Variants in GPC6 observed in about 807,000 individuals in gnomAD.
The protein encoded by GPC6 is glypican 6, also known as glypican-6.
Under a neutral mutation model 55.2 loss-of-function variants are expected in GPC6, and 14 were observed. The observed-to-expected ratio is 0.25, with a 90% CI of 0.17 to 0.40. The LOEUF is 0.40. Among genes scored for constraint, GPC6 ranks in the 10% least tolerant of loss-of-function variants. The pLI is 1.00. For synonymous variants in GPC6, 278 were observed against 259.6 expected, an observed-to-expected ratio of 1.07 and a Z score of -0.68; for missense variants, 641 against 708.5, an observed-to-expected ratio of 0.90 and a Z score of 1.08.
chr13:93,765,700 A>C (rs1885111555), intron 2 of GPC6, among the ~76,000 whole-genome samples: 2 of 152,308 alleles, frequency 1.3e-5, no homozygotes, highest in South Asian at 4.1e-4. Flanking sequence ...AAGCTACAGA[A>C]ATACAGGACA....
chr13:94,384,894 A>G (rs1421868646), intron 7 of GPC6, among the ~76,000 whole-genome samples: 2 of 152,180 alleles, frequency 1.3e-5, no homozygotes, highest in Admixed American at 1.3e-4. Context: ...GTTCTACAGC[A>G]TTCATTGAGT....
chr13:93,812,175 G>A (rs1886717046), intron 2 of GPC6, among the ~76,000 whole-genome samples: 1 of 150,990 alleles, frequency 6.6e-6, no homozygotes, highest in Admixed American at 6.6e-5. Flanking sequence ...TGGATCACGA[G>A]GTCGGGAGTT....
intron 1 of GPC6, among the ~76,000 whole-genome samples, chr13:93,485,821 T>C (rs1230904481): frequency 1.3e-5 from 2 of 152,174 alleles, no homozygotes; most frequent in African/African-American, 4.8e-5. Flanking sequence ...GTTCTTCATA[T>C]ATATTTGTCC....
chr13:94,172,899 G>A lies in GPC6; in HGVS notation c.878-113450G>A, dbSNP rs567853911. On this transcript the variant is annotated intron_variant, in intron 4 of 8. Coordinates refer to ENST00000377047, the MANE Select transcript of GPC6 (RefSeq NM_005708.5). ...TAGACACTGCCAATGACTGTTCCTG[G>A]GCAATGGTCTGATAGAGGCTGTCAA... 2.0e-5 allele frequency among the ~76,000 whole-genome samples: 3 copies of A among 152,282 alleles called. No homozygotes were observed. The South Asian group carries it at 6.2e-4, about 32-fold the overall frequency.
At chr13:94,082,002 A>C (rs1042684868) in intron 4 of GPC6, among the ~76,000 whole-genome samples, 7 of 151,788 alleles carry the variant, frequency 4.6e-5, no homozygotes, top group Admixed American at 2.6e-4. Flanking sequence ...CACCACGCCT[A>C]GCTAATTTTT....
chr13:93,880,566 G>T (rs1417714888), intron 3 of GPC6, among the ~76,000 whole-genome samples: 1 of 152,068 alleles, frequency 6.6e-6, no homozygotes, highest in Non-Finnish European at 1.5e-5. Flanking sequence ...GACTGTTGTG[G>T]GGTTGGGGGA....
intron 1 of GPC6, among the ~76,000 whole-genome samples, chr13:93,332,388 C>T (rs1879886052): frequency 6.7e-6 from 1 of 149,392 alleles, no homozygotes; most frequent in African/African-American, 2.5e-5. Context: ...TATCTTTTGT[C>T]TTTTTAATAA....
intron 3 of GPC6, among the ~76,000 whole-genome samples, chr13:93,839,497 G>A (rs780471597): frequency 5.3e-5 from 8 of 152,010 alleles, no homozygotes; most frequent in Non-Finnish European, 1.2e-4. Context: ...TTTATGTGGC[G>A]TATCACATTT....
At position 93,446,339 on chromosome 13, in the gene GPC6, T is replaced by A. The variant is rs566701248; in HGVS notation, c.161-98924T>A. Among the ~76,000 whole-genome samples the A allele has an allele frequency of 2.0e-5, 3 of 152,228 alleles. No individual in the cohort carries two copies. The South Asian group carries it at 6.2e-4, about 32-fold the overall frequency. On this transcript the variant is annotated intron_variant, in intron 1 of 8. Transcript: ENST00000377047. ...AGGTCTTTGGCCTGAAAATTCAGCATCCCACGTGTCTTGCTGCACCACTGA... is the reference window on the plus strand; with the variant it reads ...AGGTCTTTGGCCTGAAAATTCAGCAACCCACGTGTCTTGCTGCACCACTGA...
chr13:93,487,718 T>C (rs1168741924), intron 1 of GPC6, among the ~76,000 whole-genome samples: 2 of 152,184 alleles, frequency 1.3e-5, no homozygotes, highest in Non-Finnish European at 2.9e-5. Context: ...AAAAACATGA[T>C]ATTTTTCTTT....
intron 1 of GPC6, among the ~76,000 whole-genome samples, chr13:93,332,590 C>T (rs1220047118): frequency 2.6e-5 from 4 of 151,940 alleles, no homozygotes; most frequent in Non-Finnish European, 5.9e-5. Context: ...GGTTTGGATT[C>T]CATATATATT....
chr13:93,249,668 A>G (rs1876718381), intron 1 of GPC6, among the ~76,000 whole-genome samples: 1 of 152,236 alleles, frequency 6.6e-6, no homozygotes, highest in South Asian at 2.1e-4. Flanking sequence ...GCAGCGCCTC[A>G]TATTTCCACT....
chr13:93,857,158 T>C (rs1382286395), intron 3 of GPC6, among the ~76,000 whole-genome samples: 2 of 151,530 alleles, frequency 1.3e-5, no homozygotes, highest in Admixed American at 6.6e-5. Flanking sequence ...TTCATCCTTA[T>C]TGGAAAAAGG....
chr13:93,569,685 AT>A (rs1173743611), intron 2 of GPC6, among the ~76,000 whole-genome samples: 8 of 152,122 alleles, frequency 5.3e-5, no homozygotes, highest in Non-Finnish European at 1.0e-4. Flanking sequence ...TTAATAGCAT[AT>A]TAATAACTCA....
chr13:94,358,658 A>G (rs1369531629), intron 6 of GPC6, among the ~76,000 whole-genome samples: 1 of 152,182 alleles, frequency 6.6e-6, no homozygotes, highest in African/African-American at 2.4e-5. Context: ...GAATCTCCAG[A>G]CTGCAGGTCT....
At chr13:93,296,570 G>A (rs1219973627) in intron 1 of GPC6, among the ~76,000 whole-genome samples, 8 of 151,992 alleles carry the variant, frequency 5.3e-5, no homozygotes, top group African/African-American at 1.2e-4. Context: ...TTCCATATCC[G>A]TACCTCTCTC....
intron 2 of GPC6, among the ~76,000 whole-genome samples, chr13:93,827,893 A>T (rs201056612): frequency 5.6e-5 from 8 of 143,976 alleles, no homozygotes; most frequent in African/African-American, 1.9e-4. Flanking sequence ...AGAAGAAAAA[A>T]TAAAAAAAAA....
At chr13:93,352,520 T>C (rs1880667005) in intron 1 of GPC6, among the ~76,000 whole-genome samples, 2 of 152,136 alleles carry the variant, frequency 1.3e-5, no homozygotes, top group Non-Finnish European at 2.9e-5. Flanking sequence ...TTTGCTGAAT[T>C]TGAAGTGCTT....
chr13:94,204,215 T>C (rs1017437404), intron 4 of GPC6, among the ~76,000 whole-genome samples: 2 of 152,124 alleles, frequency 1.3e-5, no homozygotes, highest in Middle Eastern at 3.2e-3. Context: ...CTGTAATACA[T>C]AAATACTTTA....
Sources: gnomAD v4.1 joint callset for allele counts (sites outside exome capture counted in the v4.1 genomes callset) on GRCh38, gnomAD v4.1.1 for gene constraint, MANE v1.5 for transcripts, NCBI Gene and HGNC (gene_info 2026-07-23, HGNC 2026-07-21) for gene names.